CADPS: variants seen among roughly 807,000 people sequenced by gnomAD.
CADPS encodes the protein calcium-dependent secretion activator 1.
Under a neutral mutation model 167.3 loss-of-function variants are expected in CADPS, and 57 were observed. The ratio of observed to expected loss-of-function variants is 0.34; its 90% confidence interval spans 0.28 to 0.42. The LOEUF (loss-of-function observed/expected upper bound fraction) is 0.42. Ranked by LOEUF, CADPS falls within the 20% of genes least tolerant of loss-of-function variation. The pLI is 1.00. For synonymous variants in CADPS, 676 were observed against 635.3 expected, an observed-to-expected ratio of 1.06 and a Z score of -0.96; for missense variants, 1,414 against 1,738.1, an observed-to-expected ratio of 0.81 and a Z score of 3.32.
At position 62,874,726 on chromosome 3, in the gene CADPS, TCTC is replaced by T. The variant is rs1186232810; in HGVS notation, c.301_303del (p.Glu101del). ...TTCTGCAGCCGCTCCAACTCTTCCT[TCTC>T]CTTCTCGCTCACCACCGACGGGCTG... is the stretch of plus-strand genomic sequence containing the variant. On this transcript the variant is annotated inframe_deletion, in exon 1 of 30. Transcript: ENST00000383710. The surrounding 1 kb of genome is among the most constrained non-coding windows in gnomAD (Gnocchi z 7.1). 2 of 1,530,226 alleles carry T rather than the reference TCTC, an allele frequency of 1.3e-6. No individual in the cohort carries two copies. Among genetic ancestry groups the T allele is most frequent in the South Asian group, 1.2e-5 (1 of 83,720 alleles). The allele number at this position is 1,530,226 out of a possible 1,614,324, so 94.8% of individuals were successfully genotyped here. A position where few individuals can be genotyped will look rare whatever the true frequency, so the allele number is the denominator to read the frequency against.
intron 26 of CADPS, among the ~76,000 whole-genome samples, chr3:62,464,203 G>A (rs1363546802): frequency 6.6e-6 from 1 of 152,164 alleles, no homozygotes; most frequent in Non-Finnish European, 1.5e-5. Flanking sequence ...AGAAAACTGA[G>A]GTTCTGAGGG....
chr3:62,501,910 T>G (rs865889339), intron 17 of CADPS, among the ~76,000 whole-genome samples: 5 of 152,228 alleles, frequency 3.3e-5, no homozygotes, highest in Non-Finnish European at 5.9e-5. Context: ...TGTGTGCACA[T>G]GTACGCAGAT....
intron 24 of CADPS, among the ~76,000 whole-genome samples, chr3:62,471,171 G>A (rs2060559178): frequency 6.6e-6 from 1 of 152,102 alleles, no homozygotes. Flanking sequence ...GCTAAGGTAT[G>A]GAGTCCATAC....
chr3:62,786,647 C>T (rs1339432582), intron 1 of CADPS, among the ~76,000 whole-genome samples: 4 of 150,988 alleles, frequency 2.6e-5, no homozygotes, highest in Non-Finnish European at 4.4e-5. Context: ...CCTGTCCCTA[C>T]CAAACACACA....
intron 3 of CADPS, among the ~76,000 whole-genome samples, chr3:62,662,972 C>A (rs2073627755): frequency 6.6e-6 from 1 of 151,778 alleles, no homozygotes; most frequent in African/African-American, 2.4e-5. Context: ...ATAAAGAGAA[C>A]TATTTGGATA....
chr3:62,798,431 C>A (rs143185456), intron 1 of CADPS, among the ~76,000 whole-genome samples: 13 of 152,146 alleles, frequency 8.5e-5, no homozygotes, highest in Non-Finnish European at 1.5e-4. Context: ...CTTGGGCTTA[C>A]ACCAGTGAAG....
At chr3:62,560,945 G>T (rs190351439) in intron 9 of CADPS, among the ~76,000 whole-genome samples, 4 of 151,968 alleles carry the variant, frequency 2.6e-5, no homozygotes, top group Non-Finnish European at 4.4e-5. Context: ...TGGACGTGGC[G>T]GCAGACTCCT....
intron 1 of CADPS, among the ~76,000 whole-genome samples, chr3:62,857,588 T>C (rs1389983187): frequency 1.3e-5 from 2 of 152,064 alleles, no homozygotes; most frequent in African/African-American, 4.8e-5. Context: ...ATTTCCTATA[T>C]ATAATGTTGT....
rs182315759 is a variant in CADPS, at chr3:62,609,821, G to A, written c.1326-17073C>T. On this transcript the variant is annotated intron_variant, in intron 6 of 29. Coordinates refer to ENST00000383710, the MANE Select transcript of CADPS (RefSeq NM_003716.4). ...CCCAAGTAGAGGGGCTGGGTACAGT[G>A]GCTCACACCTGTAATCCTAGAACTT... 3.0e-3 allele frequency among the ~76,000 whole-genome samples: 462 copies of A among 152,272 alleles called. 2 individuals carry two copies. Among genetic ancestry groups the A allele is most frequent in the Non-Finnish European group, 4.7e-3 (318 of 68,014 alleles).
At chr3:62,802,609 G>T (rs1243625949) in intron 1 of CADPS, among the ~76,000 whole-genome samples, 1 of 152,162 alleles carries the variant, frequency 6.6e-6, no homozygotes, top group Non-Finnish European at 1.5e-5. Context: ...AGAGACCCTG[G>T]ATGAAGGTGG....
At chr3:62,489,530 A>G (rs2063373395) in intron 21 of CADPS, among the ~76,000 whole-genome samples, 2 of 152,208 alleles carry the variant, frequency 1.3e-5, no homozygotes, top group South Asian at 4.1e-4. Flanking sequence ...TTCCATGACA[A>G]TTCTCAGACA....
At chr3:62,794,792 A>AAGAAAAAAG (rs1468958766) in intron 1 of CADPS, among the ~76,000 whole-genome samples, 1 of 147,452 alleles carries the variant, frequency 6.8e-6, no homozygotes, top group African/African-American at 2.7e-5. Flanking sequence ...AAAAAAAAAA[A>AAGAAAAAAG]AAAAAAAAAA....
intron 24 of CADPS, among the ~76,000 whole-genome samples, chr3:62,469,216 A>G (rs1451994881): frequency 1.3e-5 from 2 of 152,220 alleles, no homozygotes; most frequent in African/African-American, 4.8e-5. Flanking sequence ...AAGTAATTAC[A>G]GAATACGTGA....
rs2058532348 is a variant in CADPS at position 62,455,113 on chromosome 3, G to A, written c.3637-9316C>T. On this transcript the variant is annotated intron_variant, in intron 26 of 29. Transcript: ENST00000383710. The surrounding 1 kb of genome is among the most constrained non-coding windows in gnomAD (Gnocchi z 4.4). ...CCGAGACTAGATCCAGGAAGTGTAT[G>A]TTCTCATCTCCCCCCACCCCCCACC... Among the ~76,000 whole-genome samples, 1 of 151,070 alleles carries A rather than the reference G, an allele frequency of 6.6e-6. No individual in the cohort carries two copies. Among genetic ancestry groups the A allele is most frequent in the Non-Finnish European group, 1.5e-5 (1 of 67,768 alleles).
At chr3:62,479,014 G>A (rs1364620776) in intron 22 of CADPS, among the ~76,000 whole-genome samples, 1 of 152,192 alleles carries the variant, frequency 6.6e-6, no homozygotes, top group Admixed American at 6.5e-5. Flanking sequence ...TTCTAGTTCA[G>A]TTTGGTTACT....
chr3:62,479,924 G>A (rs2061780966), intron 22 of CADPS, among the ~76,000 whole-genome samples: 1 of 152,132 alleles, frequency 6.6e-6, no homozygotes. Context: ...ACTTTGTCTA[G>A]TCTAAGCCCC....
intron 1 of CADPS, among the ~76,000 whole-genome samples, chr3:62,829,544 T>G (rs979992139): frequency 2.0e-5 from 3 of 152,134 alleles, no homozygotes; most frequent in Admixed American, 2.0e-4. Context: ...AAAAACATCC[T>G]GATAAAGCTC....
At chr3:62,768,051 G>A (rs1345099957) in intron 1 of CADPS, among the ~76,000 whole-genome samples, 1 of 152,150 alleles carries the variant, frequency 6.6e-6, no homozygotes, top group Non-Finnish European at 1.5e-5. Context: ...CTAAAGCATG[G>A]AATAAACTCA....
At chr3:62,810,227 C>T (rs1234528204) in intron 1 of CADPS, among the ~76,000 whole-genome samples, 1 of 152,114 alleles carries the variant, frequency 6.6e-6, no homozygotes, top group African/African-American at 2.4e-5. Context: ...GAACTAAAAA[C>T]TATTTTCTGT....
Sources: gnomAD v4.1 joint callset for allele counts (sites outside exome capture counted in the v4.1 genomes callset) on GRCh38, gnomAD v4.1.1 for gene constraint, Gnocchi (gnomAD v3.1) non-coding constraint, MANE v1.5 for transcripts, NCBI Gene and HGNC (gene_info 2026-07-23, HGNC 2026-07-21) for gene names.